The following CTBP1 variants were observed in gnomAD, a reference collection of about 807,000 sequenced individuals.
The protein encoded by CTBP1 is C-terminal binding protein 1, also known as C-terminal-binding protein 1.
Under a neutral mutation model 42.1 loss-of-function variants are expected in CTBP1, and 11 were observed. That is an observed-to-expected ratio of 0.26 (90% CI 0.16 to 0.43). The LOEUF is 0.43. Ranked by LOEUF, CTBP1 falls within the 20% of genes least tolerant of loss-of-function variation. The pLI is 1.00. For synonymous variants in CTBP1, 324 were observed against 277.1 expected (o/e 1.17, Z -1.68); for missense variants, 399 against 624.3 (o/e 0.64, Z 3.85).
At chr4:1,215,682 C>T (rs1346397032) in intron 6 of CTBP1, 3 of 425,120 alleles carry the variant, frequency 7.1e-6, no homozygotes, top group African/African-American at 4.0e-5. Flanking sequence ...GCCGACCCAA[C>T]GCCCCCAGGT....
In CTBP1 at chr4:1,231,619, T is replaced by G. The variant is rs893221021; in HGVS notation, c.163-3276A>C. ...TGCCACCTGCTTCTGTGCTCAGGAC[T>G]CGACGTCGCACTTACCTTTCCAGAC... On this transcript the variant is annotated intron_variant, in intron 3 of 9. Coordinates refer to ENST00000382952, the MANE Select transcript of CTBP1 (RefSeq NM_001012614.2). 9.2e-5 allele frequency among the ~76,000 whole-genome samples: 14 copies of G among 152,340 alleles called. 1 individual carries two copies. The highest frequency in any genetic ancestry group is 1.9e-4 in the East Asian group (1 of 5,184).
intron 9 of CTBP1, 162 bp from the exon 10 acceptor site, chr4:1,212,585 A>G (rs1728658127): frequency 2.9e-6 from 2 of 685,140 alleles, no homozygotes; most frequent in Non-Finnish European, 4.6e-6. Flanking sequence ...TATGGCAGCT[A>G]CTTCTCAGGG....
intron 1 of CTBP1, chr4:1,242,688 G>A (rs1478261929): frequency 1.3e-5 from 13 of 985,332 alleles, no homozygotes; most frequent in Non-Finnish European, 1.6e-5. Context: ...GGGCCCAAGA[G>A]CAACACTGTG....
chr4:1,248,668 G>A, intron 1 of CTBP1: 1 of 983,358 alleles, frequency 1.0e-6, no homozygotes, highest in South Asian at 4.7e-5. Context: ...CACCTGCACG[G>A]GCCGCGGGCG....
intron 2 of CTBP1, among the ~76,000 whole-genome samples, chr4:1,240,085 C>T (rs938811735): frequency 2.6e-5 from 4 of 152,264 alleles, no homozygotes; most frequent in African/African-American, 7.2e-5. Flanking sequence ...CATGGACACA[C>T]GGGATCACTG....
At chr4:1,246,383 G>A (rs187067166) in intron 1 of CTBP1, among the ~76,000 whole-genome samples, 1 of 152,290 alleles carries the variant, frequency 6.6e-6, no homozygotes, top group African/African-American at 2.4e-5. Context: ...TGGGCCCTGG[G>A]CCAGGCCTGC....
rs774790849 is a variant in CTBP1 at position 1,225,584 on chromosome 4, C to G, written c.308-18G>C. On this transcript the variant is annotated intron_variant, in intron 4 of 9. Transcript: ENST00000382952. ...GGCAATGCCTGTGGGGACAAGGACA[C>G]GGCGGTCACCCCCGGGCCGGGCCCA... 2.0e-6 allele frequency: 3 copies of G among 1,535,338 alleles called. No homozygotes were observed. The highest frequency in any genetic ancestry group is 8.7e-7 in the Non-Finnish European group (1 of 1,145,054).
Position 1,244,393 on chromosome 4 carries a change from G to T in CTBP1, c.-188-2874C>A, listed in dbSNP as rs1290772964. 3.1e-6 allele frequency: 3 copies of T among 982,392 alleles called. No homozygotes were observed. The African/African-American group carries it at 5.3e-5, about 17-fold the overall frequency. The allele number at this position is 982,392 out of a possible 1,614,324, so 60.9% of individuals were successfully genotyped here. On this transcript the variant is annotated intron_variant, in intron 1 of 9. Coordinates refer to ENST00000382952, the MANE Select transcript of CTBP1 (RefSeq NM_001012614.2). The stretch of plus-strand genomic sequence containing the variant: ...TCCAGGAAGTCCCAGGGGGCACCAA[G>T]ATGCGCCAGGACCAAGCAGCTACCC...
At chr4:1,244,230 C>T (rs1199556244) in intron 1 of CTBP1, 1 of 985,156 alleles carries the variant, frequency 1.0e-6, no homozygotes, top group Non-Finnish European at 1.2e-6. Flanking sequence ...CGCCCCGATC[C>T]ACGTGTGTGC....
intron 5 of CTBP1, among the ~76,000 whole-genome samples, chr4:1,224,455 C>T (rs1318068334): frequency 1.3e-5 from 2 of 149,608 alleles, no homozygotes; most frequent in East Asian, 2.0e-4. Flanking sequence ...GTTATCTGTG[C>T]GTGCCCATGA....
rs113421843 is a variant in CTBP1, at chr4:1,238,543, A to G, written c.8-206T>C. Among the ~76,000 whole-genome samples, 331 of 152,132 alleles carry G rather than the reference A, an allele frequency of 2.2e-3. 1 individual carries two copies. The highest frequency in any genetic ancestry group is 5.4e-3 in the South Asian group (26 of 4,806). ...CCTCAGCTCGCTGACTCAAGTGGACACAGACTGTGGACACCCACTACCATC... is the reference window on the plus strand; with the variant it reads ...CCTCAGCTCGCTGACTCAAGTGGACGCAGACTGTGGACACCCACTACCATC... On this transcript the variant is annotated intron_variant, in intron 2 of 9. Coordinates refer to ENST00000382952, the MANE Select transcript of CTBP1 (RefSeq NM_001012614.2). The surrounding 1 kb of genome is among the most constrained non-coding windows in gnomAD (Gnocchi z 5.9).
In CTBP1 at chr4:1,228,209, G is replaced by C; in HGVS notation, c.297C>G (p.Ala99=). The stretch of plus-strand genomic sequence containing the variant: ...TCGGAGCCGGCCTACCTAAATCCCC[G>C]GCCGACTTGATGTCGATGTTGTCAA... The part of the protein sequence containing the change: ...SGFDNIDIKS[A]GDLGIAVCNV... Residue 99 remains alanine (A), a synonymous_variant, in exon 4 of 10, where the codon GCC becomes GCG. Coordinates refer to ENST00000382952, the MANE Select transcript of CTBP1 (RefSeq NM_001012614.2). 6.2e-7 allele frequency: 1 copy of C among 1,614,104 alleles called. No individual in the cohort carries two copies. Among genetic ancestry groups the C allele is most frequent in the Non-Finnish European group, 8.5e-7 (1 of 1,180,000 alleles).
Position 1,235,661 on chromosome 4 carries a change from C to T in CTBP1, c.162+2522G>A, listed in dbSNP as rs1278182643. 3 of 152,222 alleles carry T rather than the reference C, an allele frequency of 2.0e-5. No homozygotes were observed. Among genetic ancestry groups the T allele is most frequent in the Non-Finnish European group, 2.9e-5 (2 of 68,046 alleles). The allele number at this position is 152,222 out of a possible 1,614,324, so 9.4% of individuals were successfully genotyped here. On this transcript the variant is annotated intron_variant, in intron 3 of 9. Coordinates refer to ENST00000382952, the MANE Select transcript of CTBP1 (RefSeq NM_001012614.2). This position sits in a 1 kb window ranked among gnomAD's most constrained non-coding sequence, Gnocchi z 4.2. The stretch of plus-strand genomic sequence containing the variant: ...CTTCGTCGGTGTCTGGCCCAGCCTC[C>T]TGGGGGCTGGGCTGGGGTGATCGGC...
At chr4:1,223,768 C>G (rs1468450492) in intron 5 of CTBP1, among the ~76,000 whole-genome samples, 1 of 152,172 alleles carries the variant, frequency 6.6e-6, no homozygotes, top group African/African-American at 2.4e-5. Context: ...CCTCTCCCAG[C>G]TCTACTTTCC....
rs532054063 is a variant in CTBP1, at chr4:1,224,478, C to T, written c.514+882G>A. 7.9e-5 allele frequency among the ~76,000 whole-genome samples: 12 copies of T among 151,320 alleles called. No individual in the cohort carries two copies. The South Asian group carries it at 1.9e-3, about 24-fold the overall frequency. On this transcript the variant is annotated intron_variant, in intron 5 of 9. Coordinates refer to ENST00000382952, the MANE Select transcript of CTBP1 (RefSeq NM_001012614.2). ...TGCGTGCCCATGAGGCCTGTGTGTG[C>T]TGTGATGTCCGTGTGTGATGTCTGT...
intron 6 of CTBP1, among the ~76,000 whole-genome samples, chr4:1,215,295 G>A (rs1017363279): frequency 6.6e-6 from 1 of 152,246 alleles, no homozygotes; most frequent in African/African-American, 2.4e-5. Context: ...TAGAGTGGGC[G>A]GGTGGCCTCT....
At chr4:1,241,939 C>T (rs1732221641) in intron 1 of CTBP1, 1 of 1,030,388 alleles carries the variant, frequency 9.7e-7, no homozygotes, top group Non-Finnish European at 1.2e-6. Flanking sequence ...TCTCATGTCA[C>T]TGATTCCCGG....
At position 1,238,323 on chromosome 4, in the gene CTBP1, T is replaced by C. The variant is rs1553849021; in HGVS notation, c.22A>G (p.Ile8Val). 6.4e-7 allele frequency: 1 copy of C among 1,573,912 alleles called. No individual in the cohort carries two copies. Among genetic ancestry groups the C allele is most frequent in the Non-Finnish European group, 8.7e-7 (1 of 1,156,054 alleles). ...CGCGGGTGCAGGGGCCCGTTCATGA[T>C]CGGAGGTCGGACGCCTGCAAGACAG... MSGVRPPIMNGPLHPRPL... is the reference protein window; with the variant it reads MSGVRPPVMNGPLHPRPL... Residue 8 changes from isoleucine to valine, a missense_variant, in exon 3 of 10, where the codon ATC becomes GTC. Physicochemically the swap from Ile to Val is conservative, Grantham distance 29. Transcript: ENST00000382952. The surrounding 1 kb of genome is among the most constrained non-coding windows in gnomAD (Gnocchi z 5.9).
At chr4:1,231,406 G>A (rs546396761) in intron 3 of CTBP1, among the ~76,000 whole-genome samples, 2 of 152,168 alleles carry the variant, frequency 1.3e-5, no homozygotes, top group Admixed American at 6.5e-5. Flanking sequence ...CCCCTCCACC[G>A]CCAGGGGCTC....
Sources: gnomAD v4.1 joint callset for allele counts (sites outside exome capture counted in the v4.1 genomes callset) on GRCh38, gnomAD v4.1.1 for gene constraint, Gnocchi (gnomAD v3.1) non-coding constraint, MANE v1.5 for transcripts, NCBI Gene and HGNC (gene_info 2026-07-23, HGNC 2026-07-21) for gene names.